Variants in FAM193A observed in about 807,000 individuals in gnomAD.
FAM193A encodes the protein family with sequence similarity 193 member A, also known as protein FAM193A.
A neutral mutation model predicts 126.5 loss-of-function variants in FAM193A; 22 were observed. That is an observed-to-expected ratio of 0.17 (90% CI 0.12 to 0.25). FAM193A has a LOEUF of 0.25. Ranked by LOEUF, FAM193A falls within the 10% of genes least tolerant of loss-of-function variation. The pLI is 1.00. For missense variants in FAM193A, 1,675 were observed against 1,672.8 expected (o/e 1.00, Z -0.02); for synonymous variants, 761 against 646.8 (o/e 1.18, Z -2.68).
chr4:2,575,741 C>T (rs191644068), intron 1 of FAM193A, among the ~76,000 whole-genome samples: 27 of 152,138 alleles, frequency 1.8e-4, no homozygotes, highest in Non-Finnish European at 3.1e-4. Flanking sequence ...TGTGGGATTA[C>T]AGACGTGAGC....
At chr4:2,556,176 A>G (rs140467578) in intron 1 of FAM193A, among the ~76,000 whole-genome samples, 4,337 of 145,920 alleles carry the variant, frequency 0.03, 219 homozygotes, top group African/African-American at 0.1. Flanking sequence ...GATTACAGGC[A>G]TGAGCCACTG....
At chr4:2,573,250 C>T (rs1251024666) in intron 1 of FAM193A, among the ~76,000 whole-genome samples, 3 of 152,090 alleles carry the variant, frequency 2.0e-5, no homozygotes, top group Non-Finnish European at 4.4e-5. Flanking sequence ...CAGTGGCTCA[C>T]ACCTGTAATC....
intron 1 of FAM193A, among the ~76,000 whole-genome samples, chr4:2,583,514 C>A (rs1357240035): frequency 6.6e-6 from 1 of 152,136 alleles, no homozygotes; most frequent in African/African-American, 2.4e-5. Flanking sequence ...TCCTTCCTGG[C>A]TTCTGGTCCC....
intron 1 of FAM193A, among the ~76,000 whole-genome samples, chr4:2,591,031 A>C (rs1230558809): frequency 2.0e-5 from 3 of 151,968 alleles, no homozygotes; most frequent in Non-Finnish European, 4.4e-5. Context: ...CCTCTCAAAA[A>C]AAAAAAAAGA....
At chr4:2,540,599 G>A (rs887948411) in intron 1 of FAM193A, among the ~76,000 whole-genome samples, 2 of 152,192 alleles carry the variant, frequency 1.3e-5, no homozygotes, top group African/African-American at 4.8e-5. Context: ...AGTGAGCCGA[G>A]ATGGCGCCAC....
At chr4:2,658,319 C>T (rs1373063932) in intron 8 of FAM193A, among the ~76,000 whole-genome samples, 1 of 152,160 alleles carries the variant, frequency 6.6e-6, no homozygotes, top group Non-Finnish European at 1.5e-5. Flanking sequence ...CAGACATTGC[C>T]AGGTGCCATG....
chr4:2,624,220 A>G (rs1456791203), intron 2 of FAM193A, among the ~76,000 whole-genome samples: 13 of 151,656 alleles, frequency 8.6e-5, no homozygotes, highest in Admixed American at 8.5e-4. Context: ...TCTGTTTCTC[A>G]GGCTGGAGTG....
intron 6 of FAM193A, among the ~76,000 whole-genome samples, chr4:2,643,263 C>T (rs543871335): frequency 9.9e-5 from 15 of 152,138 alleles, no homozygotes; most frequent in African/African-American, 2.4e-4. Context: ...TGTACAGATA[C>T]GCATTTAACA....
chr4:2,721,823 C>T (rs998387396), intron 20 of FAM193A, among the ~76,000 whole-genome samples: 9 of 152,334 alleles, frequency 5.9e-5, no homozygotes, highest in African/African-American at 2.2e-4. Flanking sequence ...TCCTGCATGT[C>T]CCGGGGGCGG....
chr4:2,714,165 G>A (rs1330279941), intron 19 of FAM193A, among the ~76,000 whole-genome samples: 1 of 152,044 alleles, frequency 6.6e-6, no homozygotes, highest in East Asian at 1.9e-4. Context: ...TTCACTTTTT[G>A]TACATCTGTA....
At chr4:2,664,558 C>CTTTTTTTTTTTTTTTTTTT (rs33958851) in intron 12 of FAM193A, among the ~76,000 whole-genome samples, 4 of 73,074 alleles carry the variant, frequency 5.5e-5, no homozygotes, top group Non-Finnish European at 1.0e-4. Flanking sequence ...TATTTTCTTT[C>CTTTTTTTTTTTTTTTTTTT]TTTTTTTTTT....
rs1337834236 is a variant in FAM193A, at chr4:2,689,560, G to A, written c.2386G>A (p.Ala796Thr). The change falls in exon 14 of 21, where the codon GCA becomes ACA. Residue 796 changes from alanine (A) to threonine (T), a missense_variant. Coordinates refer to ENST00000637812, the MANE Select transcript of FAM193A (RefSeq NM_001366318.2). Reference protein sequence around the residue: ...NHTNKHQVFNASLQDHIYPSC... With the variant: ...NHTNKHQVFNTSLQDHIYPSC... ...CACAAATAAGCATCAGGTATTCAAT[G>A]CATCTCTTCAAGACCATATTTATCC... The A allele has an allele frequency of 4.5e-6, 7 of 1,545,992 alleles. No homozygotes were observed. Among genetic ancestry groups the A allele is most frequent in the Non-Finnish European group, 6.0e-6 (7 of 1,157,436 alleles).
chr4:2,538,022 C>T (rs899838666), intron 1 of FAM193A, among the ~76,000 whole-genome samples: 1 of 152,018 alleles, frequency 6.6e-6, no homozygotes, highest in Non-Finnish European at 1.5e-5. Flanking sequence ...ATGCAATTGG[C>T]GCAGTCATTT....
chr4:2,725,579 A>ATAATC (rs1720654087), intron 20 of FAM193A, among the ~76,000 whole-genome samples: 1 of 151,506 alleles, frequency 6.6e-6, no homozygotes, highest in Non-Finnish European at 1.5e-5. Context: ...TAGACTCTAG[A>ATAATC]TAGAGTGTGG....
intron 1 of FAM193A, among the ~76,000 whole-genome samples, chr4:2,580,522 C>G (rs1243560517): frequency 6.6e-6 from 1 of 152,072 alleles, no homozygotes; most frequent in Non-Finnish European, 1.5e-5. Context: ...CATTTTGGAG[C>G]TAGGGTCTGC....
Position 2,577,422 on chromosome 4 carries a change from G to GTTTTTTTTTTTTTTT in FAM193A, c.256-18648_256-18647insTTTTTTTTTTTTTTT, listed in dbSNP as rs986931980. 1.5e-3 allele frequency among the ~76,000 whole-genome samples: 176 copies of GTTTTTTTTTTTTTTT among 115,524 alleles called. 10 individuals are homozygous for GTTTTTTTTTTTTTTT. The highest frequency in any genetic ancestry group is 2.1e-3 in the African/African-American group (62 of 29,554). The allele number at this position is 115,524 out of a possible 152,430, so 75.8% of individuals were successfully genotyped here. A position where few individuals can be genotyped will look rare whatever the true frequency, so the allele number is the denominator to read the frequency against. On this transcript the variant is annotated intron_variant, in intron 1 of 20. Coordinates refer to ENST00000637812, the MANE Select transcript of FAM193A (RefSeq NM_001366318.2). Reference sequence around the variant, plus strand: ...ACTCAATTAAAGTGGTTTTTTTTTTGTTTTTTTTTTTTTTGAGACAGAGTC... The same window carrying GTTTTTTTTTTTTTTT: ...ACTCAATTAAAGTGGTTTTTTTTTTGTTTTTTTTTTTTTTTTTTTTTTTTTTTTTGAGACAGAGTC...
chr4:2,646,304 G>A (rs1225555529), intron 6 of FAM193A, among the ~76,000 whole-genome samples: 3 of 151,520 alleles, frequency 2.0e-5, no homozygotes. Flanking sequence ...TGAGTAGCTG[G>A]GGCTATGAGT....
At chr4:2,598,887 C>G (rs1276586176) in intron 2 of FAM193A, among the ~76,000 whole-genome samples, 2 of 152,202 alleles carry the variant, frequency 1.3e-5, no homozygotes, top group African/African-American at 4.8e-5. Flanking sequence ...CCCCCTCTAG[C>G]CTGACTCTTG....
chr4:2,731,473 A>C (rs539878982), intron 20 of FAM193A, among the ~76,000 whole-genome samples: 25 of 152,096 alleles, frequency 1.6e-4, no homozygotes, highest in Non-Finnish European at 2.9e-4. Context: ...GGTATGAGCC[A>C]CCACACCCTG....
Sources: allele counts gnomAD v4.1 joint callset (sites outside exome capture counted in the v4.1 genomes callset), GRCh38; gene constraint gnomAD v4.1.1; transcripts MANE v1.5; gene names NCBI Gene and HGNC (gene_info 2026-07-23, HGNC 2026-07-21).